SYBU: variants seen among roughly 807,000 people sequenced by gnomAD.
SYBU encodes the protein GOLSYN A protein.
A neutral mutation model predicts 35.9 loss-of-function variants in SYBU; 21 were observed. The ratio of observed to expected loss-of-function variants is 0.58; its 90% CI spans 0.41 to 0.84. The LOEUF (loss-of-function observed/expected upper bound fraction) is 0.84, where lower values mean the gene tolerates loss of function less well. Among genes scored for constraint, SYBU ranks in the 40% least tolerant of loss-of-function variants. The probability of loss-of-function intolerance (pLI) is 0.00; values close to 1 mark genes in which losing one functional copy is unlikely to be tolerated. For synonymous variants in SYBU, 319 were observed against 324.3 expected (o/e 0.98, Z 0.18); for missense variants, 768 against 848.2 (o/e 0.91, Z 1.17).
intron 1 of SYBU, among the ~76,000 whole-genome samples, chr8:109,690,982 C>T (rs891658405): frequency 6.6e-6 from 1 of 152,184 alleles, no homozygotes; most frequent in African/African-American, 2.4e-5. Context: ...AAACCCACTC[C>T]TGAGAACAAC....
In SYBU at chr8:109,584,300, A is replaced by G. The variant is rs1404946588; in HGVS notation, c.530+1760T>C. On this transcript the variant is annotated intron_variant, in intron 4 of 6. Transcript: ENST00000276646. This position sits in a 1 kb window ranked among gnomAD's most constrained non-coding sequence, Gnocchi z 4.0. Reference sequence around the variant, plus strand: ...TTTATGTTTAATATGTCAAATTTTGACCATGAATTCTAGACTAGAATATTT... The same window carrying G: ...TTTATGTTTAATATGTCAAATTTTGGCCATGAATTCTAGACTAGAATATTT... Among the ~76,000 whole-genome samples the G allele has an allele frequency of 6.6e-6, 1 of 152,214 alleles. No homozygotes were observed. The highest frequency in any genetic ancestry group is 1.5e-5 in the Non-Finnish European group (1 of 68,018).
intron 1 of SYBU, among the ~76,000 whole-genome samples, chr8:109,657,182 C>T (rs1246932865): frequency 6.6e-6 from 1 of 152,034 alleles, no homozygotes. Context: ...ACTAAGTAGA[C>T]GTATAAACTT....
At chr8:109,641,303 G>C (rs1258862431) in intron 2 of SYBU, among the ~76,000 whole-genome samples, 1 of 152,184 alleles carries the variant, frequency 6.6e-6, no homozygotes, top group Non-Finnish European at 1.5e-5. Context: ...TTAATCACGT[G>C]CCCAAACAGA....
chr8:109,622,406 T>A (rs1488053657), intron 2 of SYBU, among the ~76,000 whole-genome samples: 2 of 151,990 alleles, frequency 1.3e-5, no homozygotes, highest in Non-Finnish European at 2.9e-5. Context: ...CTAATTTTTG[T>A]ATTTTTAGTA....
At chr8:109,638,430 C>T (rs1217030189) in intron 2 of SYBU, among the ~76,000 whole-genome samples, 2 of 152,104 alleles carry the variant, frequency 1.3e-5, no homozygotes, top group Non-Finnish European at 2.9e-5. Context: ...CACAAACCAA[C>T]AATGTGGGCT....
chr8:109,655,657 T>G (rs971803002), intron 1 of SYBU, among the ~76,000 whole-genome samples: 4 of 152,234 alleles, frequency 2.6e-5, no homozygotes, highest in Admixed American at 2.6e-4. Context: ...CCTCCTGCTT[T>G]CTTCTACCAC....
At chr8:109,576,107 G>T in intron 6 of SYBU, 94 bp from the exon 7 acceptor site, 1 of 1,393,256 alleles carries the variant, frequency 7.2e-7, no homozygotes, top group Non-Finnish European at 9.4e-7. Context: ...GGCAGTTCTG[G>T]CACAGAGCCA....
rs979393329 is a variant in SYBU at position 109,651,461 on chromosome 8, T to G, written c.-129+29250A>C. Reference sequence around the variant, plus strand: ...CTGAAATTGAGACTTTTTTTTTTTTTTTTTTTTTTTTTTTGCTCTGACAGT... The same window carrying G: ...CTGAAATTGAGACTTTTTTTTTTTTGTTTTTTTTTTTTTTGCTCTGACAGT... On this transcript the variant is annotated intron_variant, in intron 1 of 5. Transcript: ENST00000408889. 4.6e-3 allele frequency among the ~76,000 whole-genome samples: 623 copies of G among 136,170 alleles called. 3 individuals carry two copies. Among genetic ancestry groups the G allele is most frequent in the African/African-American group, 0.017 (564 of 33,200 alleles). 89.3% of individuals were successfully genotyped at this position (136,170 alleles called of 152,430 possible).
At chr8:109,616,201 G>A (rs971265413) in intron 3 of SYBU, among the ~76,000 whole-genome samples, 3 of 150,626 alleles carry the variant, frequency 2.0e-5, no homozygotes, top group Non-Finnish European at 3.0e-5. Context: ...TAGTAGAGAC[G>A]GGGTTTCACC....
intron 1 of SYBU, among the ~76,000 whole-genome samples, chr8:109,687,971 T>C (rs1817558751): frequency 6.6e-6 from 1 of 152,196 alleles, no homozygotes; most frequent in Non-Finnish European, 1.5e-5. Context: ...GAGGTACATT[T>C]TTAATTTAAT....
chr8:109,598,991 C>T (rs1362834301), intron 3 of SYBU, among the ~76,000 whole-genome samples: 1 of 152,192 alleles, frequency 6.6e-6, no homozygotes, highest in Non-Finnish European at 1.5e-5. Flanking sequence ...GCCTTAAACA[C>T]CAGGAAAGTA....
intron 3 of SYBU, among the ~76,000 whole-genome samples, chr8:109,588,170 A>C (rs1823837474): frequency 6.6e-6 from 1 of 152,216 alleles, no homozygotes; most frequent in African/African-American, 2.4e-5. Context: ...ACTCTGAAAA[A>C]CACTCAGCTT....
Position 109,672,264 on chromosome 8 carries a change from C to T in SYBU, c.-129+8447G>A, listed in dbSNP as rs6986918. On this transcript the variant is annotated intron_variant, in intron 1 of 5. Coordinates refer to the SYBU transcript ENST00000408889. ...CAAGATGACGGAATAGGAACAGCTC[C>T]GGTCTGCAGCTCCCAGCGAGATCAA... Among the ~76,000 whole-genome samples the T allele has an allele frequency of 3.6e-3, 419 of 116,038 alleles. 1 individual carries two copies. Among genetic ancestry groups the T allele is most frequent in the African/African-American group, 0.013 (405 of 30,670 alleles). 76.1% of individuals were successfully genotyped at this position (116,038 alleles called of 152,430 possible). A position where few individuals can be genotyped will look rare whatever the true frequency, so the allele number is the denominator to read the frequency against.
chr8:109,631,655 T>G (rs1018647788), intron 2 of SYBU, among the ~76,000 whole-genome samples: 2 of 152,206 alleles, frequency 1.3e-5, no homozygotes, highest in Admixed American at 6.5e-5. Flanking sequence ...AAATATTTAA[T>G]GTAGAATGAG....
At chr8:109,586,637 A>G (rs1823654447) in intron 3 of SYBU, 1 of 154,354 alleles carries the variant, frequency 6.5e-6, no homozygotes, top group African/African-American at 2.4e-5. Context: ...TTAACCAATG[A>G]GAGGCAGTCA....
At chr8:109,630,947 C>A (rs935497797) in intron 2 of SYBU, among the ~76,000 whole-genome samples, 2 of 152,078 alleles carry the variant, frequency 1.3e-5, no homozygotes, top group African/African-American at 4.8e-5. Flanking sequence ...CTCAGCGGGG[C>A]GGTTCACAGA....
At chr8:109,636,046 C>G (rs189891482) in intron 2 of SYBU, among the ~76,000 whole-genome samples, 2 of 152,168 alleles carry the variant, frequency 1.3e-5, no homozygotes, top group East Asian at 1.9e-4. Context: ...CAGGTGGTCT[C>G]ACTCTTTACA....
chr8:109,631,171 G>T (rs1813585090), intron 2 of SYBU, among the ~76,000 whole-genome samples: 1 of 152,122 alleles, frequency 6.6e-6, no homozygotes, highest in African/African-American at 2.4e-5. Flanking sequence ...GCAAAGAAAT[G>T]GGGGGTCTTT....
intron 1 of SYBU, among the ~76,000 whole-genome samples, chr8:109,660,249 A>G (rs890372397): frequency 2.6e-5 from 4 of 152,200 alleles, no homozygotes; most frequent in Non-Finnish European, 5.9e-5. Context: ...TAAATTGTTT[A>G]CATTTACAGT....
Sources: allele counts gnomAD v4.1 joint callset (sites outside exome capture counted in the v4.1 genomes callset), GRCh38; gene constraint gnomAD v4.1.1; non-coding constraint Gnocchi (gnomAD v3.1); transcripts MANE v1.5; gene names NCBI Gene and HGNC (gene_info 2026-07-23, HGNC 2026-07-21).